The following USP47 variants were observed in gnomAD, a reference collection of about 807,000 sequenced individuals.
USP47 encodes ubiquitin carboxyl-terminal hydrolase 47.
In USP47, 35 loss-of-function variants were observed where a neutral mutation model predicts 165.1. That is an observed-to-expected ratio of 0.21 (90% CI 0.16 to 0.28). USP47 has a LOEUF of 0.28. Among genes scored for constraint, USP47 ranks in the 10% least tolerant of loss-of-function variants. USP47 has a pLI of 1.00. For missense variants in USP47, 1,277 were observed against 1,607.4 expected (o/e 0.79, Z 3.52); for synonymous variants, 531 against 544.5 (o/e 0.98, Z 0.35).
intron 1 of USP47, among the ~76,000 whole-genome samples, chr11:11,861,134 G>A (rs774373045): frequency 7.9e-5 from 12 of 151,756 alleles, no homozygotes; most frequent in Non-Finnish European, 1.3e-4. Flanking sequence ...CCGCTCTGTC[G>A]CCCAAGCTGG....
intron 1 of USP47, among the ~76,000 whole-genome samples, chr11:11,850,882 C>G (rs992717596): frequency 1.3e-5 from 2 of 152,210 alleles, no homozygotes; most frequent in Non-Finnish European, 2.9e-5. Context: ...AGCACCGTCT[C>G]GCTGTGTCCT....
intron 27 of USP47, 78 bp downstream of exon 27, chr11:11,955,242 T>C: frequency 6.6e-7 from 1 of 1,517,346 alleles, no homozygotes; most frequent in Admixed American, 2.1e-5. Context: ...CATAAATATC[T>C]TTACTGTTTT....
rs1481499171 is a variant in USP47, at chr11:11,942,331, G to A, written c.2314-4G>A. ...ATATAATAAAACTCTGACTTACTAT[G>A]TAGGTGTTTGTTGAAAGCTCCGAGA... On this transcript the variant is annotated splice_region_variant and splice_polypyrimidine_tract_variant and intron_variant, in intron 19 of 27. Coordinates refer to ENST00000527733, the MANE Select transcript of USP47 (RefSeq NM_001282659.2). 1.3e-6 allele frequency: 2 copies of A among 1,580,890 alleles called. No individual in the cohort carries two copies. The highest frequency in any genetic ancestry group is 8.6e-7 in the Non-Finnish European group (1 of 1,167,758).
At chr11:11,901,788 G>T (rs1852243062) in intron 5 of USP47, among the ~76,000 whole-genome samples, 1 of 151,892 alleles carries the variant, frequency 6.6e-6, no homozygotes, top group Non-Finnish European at 1.5e-5. Context: ...GTGAAACCCA[G>T]TCTCTACTAA....
At chr11:11,926,724 T>C (rs112653930) in intron 11 of USP47, among the ~76,000 whole-genome samples, 2,877 of 151,842 alleles carry the variant, frequency 0.019, 42 homozygotes, top group Non-Finnish European at 0.025. Flanking sequence ...TTCTTCCTCT[T>C]TTTTTACATC....
At chr11:11,880,448 A>G (rs1850755190) in intron 2 of USP47, 68 bp downstream of exon 2, 1 of 1,169,002 alleles carries the variant, frequency 8.6e-7, no homozygotes, top group Non-Finnish European at 1.1e-6. Flanking sequence ...ACTGATGATA[A>G]TGTTAAATCC....
intron 5 of USP47, among the ~76,000 whole-genome samples, chr11:11,898,755 T>C (rs1852005275): frequency 6.6e-6 from 1 of 152,152 alleles, no homozygotes; most frequent in South Asian, 2.1e-4. Flanking sequence ...GAAAGTAAGC[T>C]TCAGGTAGGT....
chr11:11,876,942 A>G (rs1467409076), intron 1 of USP47, among the ~76,000 whole-genome samples: 4 of 152,156 alleles, frequency 2.6e-5, no homozygotes, highest in African/African-American at 9.7e-5. Context: ...ATTTTTTGCT[A>G]TCTTTAATCC....
chr11:11,949,764 A>T, intron 22 of USP47, 125 bp from the exon 23 acceptor site: 1 of 618,670 alleles, frequency 1.6e-6, no homozygotes, highest in Non-Finnish European at 2.7e-6. Context: ...AAAAAGGAAG[A>T]TAGACTCTGA....
At chr11:11,901,062 G>A (rs771893951) in intron 5 of USP47, among the ~76,000 whole-genome samples, 1 of 152,202 alleles carries the variant, frequency 6.6e-6, no homozygotes, top group Non-Finnish European at 1.5e-5. Flanking sequence ...GTAAGGTATT[G>A]AATAGAGGTG....
At chr11:11,852,548 C>T (rs1848786348) in intron 1 of USP47, among the ~76,000 whole-genome samples, 1 of 152,146 alleles carries the variant, frequency 6.6e-6, no homozygotes, top group East Asian at 1.9e-4. Context: ...TCAACCAGTT[C>T]TCCAAGGAGT....
chr11:11,901,383 T>C (rs963779981), intron 5 of USP47, among the ~76,000 whole-genome samples: 3 of 152,240 alleles, frequency 2.0e-5, no homozygotes, highest in African/African-American at 7.2e-5. Context: ...TTGTTGTTAC[T>C]TAATATTTTG....
chr11:11,885,250 C>T (rs11022077), intron 3 of USP47, among the ~76,000 whole-genome samples: 1,612 of 151,958 alleles, frequency 0.011, 21 homozygotes, highest in Non-Finnish European at 0.017. Context: ...CCAAGATGGC[C>T]GATTAGAAAT....
intron 1 of USP47, among the ~76,000 whole-genome samples, chr11:11,869,137 T>C (rs950761022): frequency 2.0e-5 from 3 of 152,178 alleles, no homozygotes; most frequent in Non-Finnish European, 2.9e-5. Flanking sequence ...AGTTTATCAA[T>C]TTTTCCTTTT....
At chr11:11,879,217 A>G (rs1488243135) in intron 1 of USP47, among the ~76,000 whole-genome samples, 1 of 152,184 alleles carries the variant, frequency 6.6e-6, no homozygotes, top group African/African-American at 2.4e-5. Flanking sequence ...GCAAGAATAA[A>G]GTGAAGGAGG....
Position 11,940,460 on chromosome 11 carries a change from T to C in USP47, c.2225T>C (p.Ile742Thr), listed in dbSNP as rs369918899. The C allele has an allele frequency of 6.2e-7, 1 of 1,611,160 alleles. No individual in the cohort carries two copies. The highest frequency in any genetic ancestry group is 1.3e-5 in the African/African-American group (1 of 74,734). Residue 742 changes from isoleucine (I) to threonine (T), a missense_variant, in exon 19 of 28, where the codon ATA (isoleucine) becomes ACA (threonine). This residue lies in a region of USP47 where 909 missense variants were observed against 1,068.1 expected (regional missense o/e 0.85). Transcript: ENST00000527733. ...AIHLPAETMR[I>T]VLERCYNDLR... The stretch of plus-strand genomic sequence containing the variant: ...CATTTACCTGCTGAAACAATGAGAA[T>C]AGTGCTGGAACGCTGCTACAATGAT...
At chr11:11,888,259 A>T (rs1851291717) in intron 3 of USP47, among the ~76,000 whole-genome samples, 1 of 152,162 alleles carries the variant, frequency 6.6e-6, no homozygotes, top group African/African-American at 2.4e-5. Context: ...AAACCTTTCA[A>T]AAATCAACAA....
At chr11:11,937,184 G>C (rs1311970902) in intron 17 of USP47, among the ~76,000 whole-genome samples, 2 of 151,734 alleles carry the variant, frequency 1.3e-5, no homozygotes, top group African/African-American at 4.8e-5. Context: ...TTTTTGTCCA[G>C]AGTTTTCTAT....
At chr11:11,886,584 T>C (rs1418641791) in intron 3 of USP47, among the ~76,000 whole-genome samples, 2 of 151,856 alleles carry the variant, frequency 1.3e-5, no homozygotes, top group Admixed American at 6.6e-5. Flanking sequence ...CCAAGAAATA[T>C]GGGATTATGT....
Sources: gnomAD v4.1 joint callset for allele counts (sites outside exome capture counted in the v4.1 genomes callset) on GRCh38, gnomAD v4.1.1 for gene constraint, gnomAD v4.1.1 regional missense constraint, MANE v1.5 for transcripts, NCBI Gene and HGNC (gene_info 2026-07-23, HGNC 2026-07-21) for gene names.